Variants in FAF1 observed in about 807,000 individuals in gnomAD.
FAF1 encodes the protein FAS-associated factor 1.
A neutral mutation model predicts 92.5 loss-of-function variants in FAF1; 25 were observed. That is an observed-to-expected ratio of 0.27 (90% CI 0.20 to 0.38). The LOEUF (loss-of-function observed/expected upper bound fraction) is 0.38. FAF1 is among the 10% of genes least tolerant of loss of function. The probability of loss-of-function intolerance (pLI) is 1.00; values close to 1 mark genes in which losing one functional copy is unlikely to be tolerated. For synonymous variants in FAF1, 234 were observed against 273.2 expected (o/e 0.86, Z 1.42); for missense variants, 636 against 793.3 (o/e 0.80, Z 2.38).
rs377290445 is a variant in FAF1, at chr1:50,548,180, A to G, written c.1269-8452T>C. On this transcript the variant is annotated intron_variant, in intron 13 of 18. Coordinates refer to ENST00000396153, the MANE Select transcript of FAF1 (RefSeq NM_007051.3). The stretch of plus-strand genomic sequence containing the variant: ...GAGGGCCCACCAAATATATGACGAG[A>G]TAAGACATGGTTTTTGTCTTTAGCA... Among the ~76,000 whole-genome samples, 32 of 152,332 alleles carry G rather than the reference A, an allele frequency of 2.1e-4. No homozygotes were observed. In the South Asian group the frequency reaches 4.8e-3, roughly 23 times the overall value.
chr1:50,488,655 T>A (rs1270416617), intron 17 of FAF1, among the ~76,000 whole-genome samples: 1 of 152,196 alleles, frequency 6.6e-6, no homozygotes, highest in Non-Finnish European at 1.5e-5. Flanking sequence ...GGTTTTGTAC[T>A]GGAATGGAGT....
chr1:50,588,696 C>G (rs548283320), intron 9 of FAF1, among the ~76,000 whole-genome samples: 1 of 152,134 alleles, frequency 6.6e-6, no homozygotes, highest in East Asian at 1.9e-4. Flanking sequence ...TGATCCTTGA[C>G]GGCAAAAGTT....
chr1:50,577,686 T>C (rs1195597887), intron 12 of FAF1, among the ~76,000 whole-genome samples: 1 of 152,214 alleles, frequency 6.6e-6, no homozygotes, highest in East Asian at 1.9e-4. Flanking sequence ...GCAGGAAACC[T>C]CTATTTCCCA....
intron 1 of FAF1, among the ~76,000 whole-genome samples, chr1:50,918,876 A>G (rs1202328960): frequency 3.3e-5 from 5 of 149,580 alleles, no homozygotes; most frequent in Non-Finnish European, 5.9e-5. Context: ...CTTTTTAATG[A>G]TTGCCATTCT....
intron 5 of FAF1, among the ~76,000 whole-genome samples, chr1:50,739,937 C>T (rs1659318450): frequency 6.6e-6 from 1 of 152,084 alleles, no homozygotes; most frequent in East Asian, 1.9e-4. Context: ...AAGGTAAAAA[C>T]TTGCTGAAGT....
chr1:50,771,171 C>T (rs773321325), intron 4 of FAF1, among the ~76,000 whole-genome samples: 1 of 152,138 alleles, frequency 6.6e-6, no homozygotes, highest in Non-Finnish European at 1.5e-5. Flanking sequence ...CTAGAAGATA[C>T]CATTCTGGAC....
chr1:50,473,068 G>A (rs1264950298), intron 18 of FAF1, among the ~76,000 whole-genome samples: 1 of 152,106 alleles, frequency 6.6e-6, no homozygotes, highest in Non-Finnish European at 1.5e-5. Flanking sequence ...GGAGCCTGAG[G>A]TTATTAACAT....
chr1:50,461,855 CTTT>C (rs1247406767), intron 18 of FAF1, among the ~76,000 whole-genome samples: 2 of 142,422 alleles, frequency 1.4e-5, no homozygotes, highest in African/African-American at 5.3e-5. Flanking sequence ...GACAAAGATT[CTTT>C]GTCTTCTTGA....
At chr1:50,766,791 C>CAAAAAAAAA (rs765570305) in intron 4 of FAF1, among the ~76,000 whole-genome samples, 5 of 61,908 alleles carry the variant, frequency 8.1e-5, no homozygotes, top group African/African-American at 1.2e-4. Context: ...AGCAAGCAAG[C>CAAAAAAAAA]AAAAAAAAAA....
chr1:50,682,452 G>A (rs1236567934), intron 7 of FAF1, among the ~76,000 whole-genome samples: 2 of 152,116 alleles, frequency 1.3e-5, no homozygotes, highest in African/African-American at 4.8e-5. Flanking sequence ...GTTGCAGAGA[G>A]CTGTGGAACT....
intron 17 of FAF1, among the ~76,000 whole-genome samples, chr1:50,487,821 A>G (rs896522195): frequency 5.9e-5 from 9 of 152,184 alleles, no homozygotes; most frequent in Non-Finnish European, 7.3e-5. Flanking sequence ...CAGTTAGAAG[A>G]CAGGTAGTGT....
chr1:50,520,750 C>T (rs965771354), intron 15 of FAF1, among the ~76,000 whole-genome samples: 1 of 152,106 alleles, frequency 6.6e-6, no homozygotes, highest in African/African-American at 2.4e-5. Context: ...GGGAGGGAGG[C>T]AGGAGGATTG....
intron 4 of FAF1, among the ~76,000 whole-genome samples, chr1:50,771,775 C>T (rs1480996551): frequency 1.3e-5 from 2 of 152,114 alleles, no homozygotes; most frequent in Admixed American, 6.5e-5. Flanking sequence ...GTGGTGGGCG[C>T]CTGTAATCCC....
chr1:50,712,145 T>C (rs745453067), intron 6 of FAF1, among the ~76,000 whole-genome samples: 2 of 152,204 alleles, frequency 1.3e-5, no homozygotes, highest in Non-Finnish European at 2.9e-5. Flanking sequence ...TCTGCCCTTA[T>C]TGAGTCTACT....
At chr1:50,620,231 C>T (rs997889699) in intron 8 of FAF1, among the ~76,000 whole-genome samples, 1 of 152,182 alleles carries the variant, frequency 6.6e-6, no homozygotes. Context: ...TAACATAATC[C>T]CACATTTCTT....
At chr1:50,689,993 C>CTTTT (rs1159221059) in intron 7 of FAF1, among the ~76,000 whole-genome samples, 11 of 122,324 alleles carry the variant, frequency 9.0e-5, no homozygotes, top group Non-Finnish European at 1.2e-4. Flanking sequence ...CATTATATTT[C>CTTTT]TTTTTTTTTT....
Position 50,582,537 on chromosome 1 carries a change from A to G in FAF1, c.1113+81T>C. ...GGAAAAAAACAAAAACAAAAACAGA[A>G]AACATTTAAGCATTGCCTCAGCCCT... On this transcript the variant is annotated intron_variant, in intron 12 of 18. Transcript: ENST00000396153. 4.6e-6 allele frequency: 4 copies of G among 878,298 alleles called. No homozygotes were observed. In the South Asian group the frequency reaches 6.0e-5, roughly 13 times the overall value. The allele number at this position is 878,298 out of a possible 1,614,324, so 54.4% of individuals were successfully genotyped here.
At chr1:50,702,363 G>C (rs1657510845) in intron 7 of FAF1, among the ~76,000 whole-genome samples, 1 of 152,094 alleles carries the variant, frequency 6.6e-6, no homozygotes, top group South Asian at 2.1e-4. Flanking sequence ...TTAAAATAAG[G>C]TAAGCCTGTT....
chr1:50,677,682 G>A (rs1391940508), intron 7 of FAF1, among the ~76,000 whole-genome samples: 2 of 151,940 alleles, frequency 1.3e-5, no homozygotes, highest in Non-Finnish European at 2.9e-5. Context: ...GTCACCTGAG[G>A]TCAGGAGTTC....
Sources: allele counts gnomAD v4.1 joint callset (sites outside exome capture counted in the v4.1 genomes callset), GRCh38; gene constraint gnomAD v4.1.1; transcripts MANE v1.5; gene names NCBI Gene and HGNC (gene_info 2026-07-23, HGNC 2026-07-21).